NLRP13: variants seen among roughly 807,000 people sequenced by gnomAD.
NLRP13 encodes NACHT, LRR and PYD domains-containing protein 13.
Under a neutral mutation model 94.4 loss-of-function variants are expected in NLRP13, and 82 were observed. The ratio of observed to expected loss-of-function variants is 0.87; its 90% CI spans 0.73 to 1.04. NLRP13 has a LOEUF of 1.04. NLRP13 is among the 50% of genes least tolerant of loss of function. The pLI, the probability that NLRP13 is intolerant of heterozygous loss-of-function variation, is 0.00. For missense variants in NLRP13, 1,426 were observed against 1,230.8 expected, an observed-to-expected ratio of 1.16 and a Z score of -2.37; for synonymous variants, 553 against 464.7, an observed-to-expected ratio of 1.19 and a Z score of -2.45.
Position 55,908,359 on chromosome 19 carries a change from C to T in NLRP13, c.2283-403G>A, listed in dbSNP as rs143524268. ...TTCTCCTTATCTTGAGAACTAAGTA[C>T]GACCAAAAGTTTAATATTAAAAGAA... On this transcript the variant is annotated intron_variant, in intron 6 of 10. Coordinates refer to ENST00000342929, the MANE Select transcript of NLRP13 (RefSeq NM_176810.2). Among the ~76,000 whole-genome samples the T allele has an allele frequency of 2.7e-3, 418 of 152,188 alleles. 1 individual carries two copies. Among genetic ancestry groups the T allele is most frequent in the African/African-American group, 8.2e-3 (341 of 41,508 alleles).
intron 8 of NLRP13, among the ~76,000 whole-genome samples, chr19:55,902,952 C>T (rs901440832): frequency 3.6e-4 from 51 of 139,726 alleles, no homozygotes; most frequent in South Asian, 7.0e-4. Context: ...ATTATAACAA[C>T]TAATTGTTAT....
At chr19:55,904,921 A>G in intron 8 of NLRP13, 21 bp downstream of exon 8, 1 of 1,604,418 alleles carries the variant, frequency 6.2e-7, no homozygotes, top group East Asian at 2.2e-5. Flanking sequence ...ATATCTAGAA[A>G]TGGAAGTAGG....
At chr19:55,905,502 T>A (rs954603220) in intron 7 of NLRP13, among the ~76,000 whole-genome samples, 1 of 148,478 alleles carries the variant, frequency 6.7e-6, no homozygotes, top group Non-Finnish European at 1.5e-5. Context: ...TATATACATA[T>A]ATATCTGGGC....
At chr19:55,924,042 A>G in intron 3 of NLRP13, 63 bp from the exon 4 acceptor site, 1 of 1,307,058 alleles carries the variant, frequency 7.7e-7, no homozygotes, top group South Asian at 1.2e-5. Context: ...CCACAATGAT[A>G]AAGACTCTCA....
chr19:55,899,414 TGAG>T (rs1272102543), intron 9 of NLRP13, among the ~76,000 whole-genome samples: 1 of 151,590 alleles, frequency 6.6e-6, no homozygotes. Flanking sequence ...TGGGGAGGGA[TGAG>T]GAGAGGAAAG....
chr19:55,931,778 C>T (rs79811277), intron 1 of NLRP13, among the ~76,000 whole-genome samples: 2 of 138,626 alleles, frequency 1.4e-5, no homozygotes, highest in Admixed American at 7.4e-5. Context: ...GTGCCTCTTC[C>T]GATTCCCTTT....
intron 6 of NLRP13, among the ~76,000 whole-genome samples, chr19:55,909,288 T>A (rs1318772640): frequency 6.6e-6 from 1 of 152,180 alleles, no homozygotes; most frequent in Non-Finnish European, 1.5e-5. Context: ...CCTCCTTGGA[T>A]CATATTAGCA....
downstream of NLRP13, chr19:55,895,816 AC>A: frequency 1.0e-6 from 1 of 971,826 alleles, no homozygotes; most frequent in Admixed American, 2.2e-5. Context: ...TCCCACCCTT[AC>A]TGGAAGTTCC....
In NLRP13 at chr19:55,932,331, T is replaced by C. The variant is rs1336401740; in HGVS notation, c.-20A>G. The C allele has an allele frequency of 6.3e-7, 1 of 1,592,278 alleles. No individual in the cohort carries two copies. The highest frequency in any genetic ancestry group is 2.2e-5 in the East Asian group (1 of 44,828). On this transcript the variant is annotated 5_prime_UTR_variant, in exon 1 of 11. Transcript: ENST00000342929. ...GTTCATCTTGCCCAACACATGCAGT[T>C]TCTCACTTCAGCAAAGGACTCCTAT...
downstream of NLRP13, chr19:55,892,099 C>G (rs1335004233): frequency 8.1e-7 from 1 of 1,231,998 alleles, no homozygotes; most frequent in Non-Finnish European, 1.0e-6. Flanking sequence ...TCTCTCACTA[C>G]ATTGTGCAGG....
At position 55,932,293 on chromosome 19, in the gene NLRP13, T is replaced by G. The variant is rs1600284322; in HGVS notation, c.19A>C (p.Thr7Pro). MNFSVI[T>P]CPNGGTNQGL... Reference sequence around the variant, plus strand: ...TGGTTGGTACCACCGTTGGGGCAGGTGATTACAGAAAAGTTCATCTTGCCC... The same window carrying G: ...TGGTTGGTACCACCGTTGGGGCAGGGGATTACAGAAAAGTTCATCTTGCCC... Residue 7 changes from threonine to proline, a missense_variant, in exon 1 of 11, where the codon ACC (threonine) becomes CCC (proline). Transcript: ENST00000342929. 2 of 1,605,190 alleles carry G rather than the reference T, an allele frequency of 1.2e-6. No homozygotes were observed. The highest frequency in any genetic ancestry group is 1.7e-6 in the Non-Finnish European group (2 of 1,177,926).
chr19:55,929,847 G>C (rs1226995092), intron 1 of NLRP13, among the ~76,000 whole-genome samples: 1 of 151,806 alleles, frequency 6.6e-6, no homozygotes, highest in Non-Finnish European at 1.5e-5. Flanking sequence ...GCATGCAATA[G>C]AGAAATCAAT....
At chr19:55,905,328 G>T (rs184178604) in intron 7 of NLRP13, among the ~76,000 whole-genome samples, 2 of 151,940 alleles carry the variant, frequency 1.3e-5, no homozygotes, top group East Asian at 3.9e-4. Flanking sequence ...GATCACCTGA[G>T]GTCAAGAGTT....
chr19:55,917,129 T>G (rs1294772864), intron 4 of NLRP13, among the ~76,000 whole-genome samples: 1 of 152,126 alleles, frequency 6.6e-6, no homozygotes, highest in Non-Finnish European at 1.5e-5. Context: ...ATAAGCTTTA[T>G]AAATGAAGAA....
intron 1 of NLRP13, among the ~76,000 whole-genome samples, chr19:55,928,331 G>C (rs942168628): frequency 6.6e-6 from 1 of 152,096 alleles, no homozygotes; most frequent in Admixed American, 6.6e-5. Context: ...TGGTTATGAC[G>C]CATCACTTGC....
At chr19:55,895,842 C>T (rs966568401), downstream of NLRP13, 4 of 1,320,890 alleles carry the variant, frequency 3.0e-6, no homozygotes, top group African/African-American at 5.8e-5. Flanking sequence ...GCCTGCATGG[C>T]CTGAGGAAGC....
chr19:55,904,895 C>A (rs1450320053), intron 8 of NLRP13, 47 bp downstream of exon 8: 1 of 1,494,224 alleles, frequency 6.7e-7, no homozygotes, highest in Admixed American at 1.8e-5. Context: ...TTCTAGATAT[C>A]TGTGCCCATA....
chr19:55,924,402 T>C (rs1219482028), intron 3 of NLRP13, among the ~76,000 whole-genome samples, 188 bp downstream of exon 3: 2 of 152,164 alleles, frequency 1.3e-5, no homozygotes, highest in African/African-American at 4.8e-5. Context: ...GAATTGCAGA[T>C]ATGAGCCGTT....
rs115201919 is a variant in NLRP13, at chr19:55,913,678, G to A, written c.524-385C>T. ...CACCTTTAAGAGAGGGCAGAGAAGG[G>A]ATCATAGCGAGAAGCCTCTCACTAG... On this transcript the variant is annotated intron_variant, in intron 4 of 10. Transcript: ENST00000342929. Among the ~76,000 whole-genome samples, 974 of 151,992 alleles carry A rather than the reference G, an allele frequency of 6.4e-3. 12 individuals are homozygous for A. The highest frequency in any genetic ancestry group is 0.021 in the African/African-American group (849 of 41,412).
Sources: gnomAD v4.1 joint callset for allele counts (sites outside exome capture counted in the v4.1 genomes callset) on GRCh38, gnomAD v4.1.1 for gene constraint, MANE v1.5 for transcripts, NCBI Gene and HGNC (gene_info 2026-07-23, HGNC 2026-07-21) for gene names.